TXNRD1: variants seen among roughly 807,000 people sequenced by gnomAD.
TXNRD1 encodes thioredoxin reductase 1, cytoplasmic.
Under a neutral mutation model 80.3 loss-of-function variants are expected in TXNRD1, and 57 were observed. The observed-to-expected ratio is 0.71, with a 90% CI of 0.57 to 0.89. The LOEUF is 0.89. Among genes scored for constraint, TXNRD1 ranks in the 40% least tolerant of loss-of-function variants. The pLI is 0.00. For synonymous variants in TXNRD1, 291 were observed against 285.2 expected, an observed-to-expected ratio of 1.02 and a Z score of -0.20; for missense variants, 730 against 803.0, an observed-to-expected ratio of 0.91 and a Z score of 1.10.
At chr12:104,303,715 CGCCGG>C in intron 4 of TXNRD1, 1 of 733,816 alleles carries the variant, frequency 1.4e-6, no homozygotes, top group Non-Finnish European at 2.0e-6. Flanking sequence ...GGGCGGGTCG[CGCCGG>C]GCCGGGCCGC....
chr12:104,329,062 G>T (rs1263815761), intron 13 of TXNRD1, among the ~76,000 whole-genome samples: 2 of 152,140 alleles, frequency 1.3e-5, no homozygotes, highest in Non-Finnish European at 2.9e-5. Context: ...GGTTATTTGG[G>T]ATGTAGCATA....
intron 4 of TXNRD1, among the ~76,000 whole-genome samples, chr12:104,299,867 A>G (rs1031707576): frequency 6.6e-6 from 1 of 152,158 alleles, no homozygotes; most frequent in Non-Finnish European, 1.5e-5. Flanking sequence ...TTTCTTCACA[A>G]CTCAATATTA....
intron 1 of TXNRD1, among the ~76,000 whole-genome samples, chr12:104,220,748 G>A (rs1448685631): frequency 6.7e-6 from 1 of 150,222 alleles, no homozygotes; most frequent in African/African-American, 2.4e-5. Flanking sequence ...AACGGTGGGG[G>A]GGAGGCGGTA....
chr12:104,331,655 C>G lies in TXNRD1; in HGVS notation c.1650+14C>G, dbSNP rs1452886644. 6.5e-7 allele frequency: 1 copy of G among 1,534,842 alleles called. No homozygotes were observed. Among genetic ancestry groups the G allele is most frequent in the Admixed American group, 1.7e-5 (1 of 58,152 alleles). ...GAAAATATTGAGGTAAGTTCTTTTC[C>G]TCTTTTCTCCTATGTTATATCACTA... is the stretch of plus-strand genomic sequence containing the variant. On this transcript the variant is annotated intron_variant, in intron 14 of 16. Coordinates refer to ENST00000525566, the MANE Select transcript of TXNRD1 (RefSeq NM_001093771.3).
At chr12:104,304,619 C>T in intron 4 of TXNRD1, 1 of 1,613,876 alleles carries the variant, frequency 6.2e-7, no homozygotes, top group Non-Finnish European at 8.5e-7. Context: ...GGGATTGTTG[C>T]AAACCTACTT....
At chr12:104,290,229 GTATTT>G (rs770717975) in intron 4 of TXNRD1, among the ~76,000 whole-genome samples, 3 of 152,200 alleles carry the variant, frequency 2.0e-5, no homozygotes, top group East Asian at 1.9e-4. Flanking sequence ...TCTTTTAAAA[GTATTT>G]TATTTATTTT....
chr12:104,270,025 T>C (rs1326348086), intron 3 of TXNRD1, among the ~76,000 whole-genome samples: 1 of 152,238 alleles, frequency 6.6e-6, no homozygotes, highest in Non-Finnish European at 1.5e-5. Context: ...CTTCTAATTC[T>C]ATTTCTCTTG....
At chr12:104,326,884 G>A (rs1186259024) in intron 12 of TXNRD1, among the ~76,000 whole-genome samples, 3 of 152,120 alleles carry the variant, frequency 2.0e-5, no homozygotes, top group Admixed American at 1.3e-4. Flanking sequence ...CACCCAGGCT[G>A]GAGTGCAGTA....
chr12:104,274,142 A>G (rs1173278883), intron 3 of TXNRD1, among the ~76,000 whole-genome samples: 1 of 152,220 alleles, frequency 6.6e-6, no homozygotes, highest in Non-Finnish European at 1.5e-5. Context: ...TAAGGTTCTC[A>G]TCTGTCTTTG....
At chr12:104,327,193 G>A (rs917826936) in intron 12 of TXNRD1, among the ~76,000 whole-genome samples, 8 of 152,184 alleles carry the variant, frequency 5.3e-5, no homozygotes, top group African/African-American at 1.9e-4. Flanking sequence ...ATTCACATTA[G>A]TGTTTCCTGT....
chr12:104,318,812 T>C, intron 7 of TXNRD1, 101 bp from the exon 8 acceptor site: 1 of 1,308,720 alleles, frequency 7.6e-7, no homozygotes, highest in Non-Finnish European at 1.0e-6. Flanking sequence ...GATTGCCTTT[T>C]AGAGCTCTGC....
chr12:104,311,318 T>G lies in TXNRD1; in HGVS notation c.443T>G (p.Leu148Arg), dbSNP rs1244458586. ...TATCAGGAGGGCAGACTTCAAAAGC[T>G]ACTAAAAATGAACGGCCCTGAAGAT... Reference protein sequence around the residue: ...KAYQEGRLQKLLKMNGPEDLP... With the variant: ...KAYQEGRLQKRLKMNGPEDLP... The change falls in exon 5 of 17, where the codon CTA becomes CGA. Residue 148 changes from leucine to arginine, a missense_variant. Leu to Arg is a moderately radical substitution (Grantham distance 102, BLOSUM62 -2). Coordinates refer to ENST00000525566, the MANE Select transcript of TXNRD1 (RefSeq NM_001093771.3). 3 of 1,608,290 alleles carry G rather than the reference T, an allele frequency of 1.9e-6. No homozygotes were observed. Among genetic ancestry groups the G allele is most frequent in the Non-Finnish European group, 2.5e-6 (3 of 1,176,912 alleles).
At chr12:104,338,403 C>G (rs1386412583) in intron 15 of TXNRD1, among the ~76,000 whole-genome samples, 1 of 151,618 alleles carries the variant, frequency 6.6e-6, no homozygotes, top group Non-Finnish European at 1.5e-5. Flanking sequence ...ATTAAAGTCT[C>G]TGGCCATTTT....
intron 1 of TXNRD1, among the ~76,000 whole-genome samples, chr12:104,237,035 T>G (rs929412121): frequency 6.9e-6 from 1 of 145,016 alleles, no homozygotes; most frequent in Admixed American, 6.8e-5. Flanking sequence ...GACTCCGTTC[T>G]GGGGGGGTTG....
At chr12:104,277,322 C>T (rs1377248864) in intron 3 of TXNRD1, among the ~76,000 whole-genome samples, 1 of 151,348 alleles carries the variant, frequency 6.6e-6, no homozygotes, top group Non-Finnish European at 1.5e-5. Flanking sequence ...ATGACATGAA[C>T]CCGGGAGGCG....
chr12:104,261,560 G>T (rs2033369573), intron 3 of TXNRD1, among the ~76,000 whole-genome samples: 1 of 152,088 alleles, frequency 6.6e-6, no homozygotes, highest in South Asian at 2.1e-4. Context: ...GAGGTGCGGT[G>T]ACTGAAAAAT....
chr12:104,337,695 A>G lies in TXNRD1; in HGVS notation c.1747-1444A>G, dbSNP rs189551774. On this transcript the variant is annotated intron_variant, in intron 15 of 16. Coordinates refer to ENST00000525566, the MANE Select transcript of TXNRD1 (RefSeq NM_001093771.3). ...AACATGGCAAAACCCCATGTCTATT[A>G]AAAACAAAACAAAACAAAAATGTTT... 3.7e-4 allele frequency among the ~76,000 whole-genome samples: 57 copies of G among 152,070 alleles called. 1 individual carries two copies. In the East Asian group the frequency reaches 7.7e-3, roughly 21 times the overall value.
At chr12:104,297,356 A>ATATT (rs747031876) in intron 4 of TXNRD1, among the ~76,000 whole-genome samples, 27 of 151,064 alleles carry the variant, frequency 1.8e-4, no homozygotes, top group East Asian at 1.2e-3. Context: ...AAATAAATTT[A>ATATT]TATTTATTTA....
intron 16 of TXNRD1, among the ~76,000 whole-genome samples, chr12:104,346,860 C>T (rs530019304): frequency 2.0e-5 from 3 of 152,186 alleles, no homozygotes; most frequent in Non-Finnish European, 2.9e-5. Context: ...TTTGGGAGGC[C>T]GAGGCAGGTG....
Sources: gnomAD v4.1 joint callset for allele counts (sites outside exome capture counted in the v4.1 genomes callset) on GRCh38, gnomAD v4.1.1 for gene constraint, MANE v1.5 for transcripts, NCBI Gene and HGNC (gene_info 2026-07-23, HGNC 2026-07-21) for gene names.